CEP76: variants seen among roughly 807,000 people sequenced by gnomAD.
The protein encoded by CEP76 is centrosomal protein of 76 kDa.
CEP76 carries 55 observed loss-of-function variants against 83.3 expected under a neutral mutation model. That is an observed-to-expected ratio of 0.66 (90% confidence interval 0.53 to 0.83). The LOEUF is 0.83. CEP76 is among the 40% of genes least tolerant of loss of function. The pLI, the probability that CEP76 is intolerant of heterozygous loss-of-function variation, is 0.00. For missense variants in CEP76, 694 were observed against 799.5 expected, an observed-to-expected ratio of 0.87 and a Z score of 1.59; for synonymous variants, 270 against 274.5, an observed-to-expected ratio of 0.98 and a Z score of 0.16.
At chr18:12,699,985 CACT>C (rs2040096882) in intron 2 of CEP76, 80 bp from the exon 3 acceptor site, 4 of 878,302 alleles carry the variant, frequency 4.6e-6, no homozygotes, top group Non-Finnish European at 6.8e-6. Context: ...CATGACTAAG[CACT>C]GAACCTAAAG....
chr18:12,686,156 G>T, intron 8 of CEP76, 106 bp downstream of exon 8: 1 of 835,648 alleles, frequency 1.2e-6, no homozygotes, highest in Non-Finnish European at 1.8e-6. Flanking sequence ...GGGTACAGAG[G>T]GTTGACTATA....
rs1354204024 is a variant in CEP76, at chr18:12,672,748, A to G, written c.*617T>C. Reference sequence around the variant, plus strand: ...AGTGATAAATATTTCTAAATGATTCATGTACTTTCATATGAGGTTATTAAT... The same window carrying G: ...AGTGATAAATATTTCTAAATGATTCGTGTACTTTCATATGAGGTTATTAAT... On this transcript the variant is annotated 3_prime_UTR_variant, in exon 12 of 12. Transcript: ENST00000262127. 35 of 973,188 alleles carry G rather than the reference A, an allele frequency of 3.6e-5. No homozygotes were observed. Among genetic ancestry groups the G allele is most frequent in the South Asian group, 9.5e-5 (2 of 21,010 alleles). 60.3% of individuals were successfully genotyped at this position (973,188 alleles called of 1,614,324 possible).
chr18:12,678,381 A>G lies in CEP76; in HGVS notation c.1351T>C (p.Tyr451His). 2 of 1,614,168 alleles carry G rather than the reference A, an allele frequency of 1.2e-6. No individual in the cohort carries two copies. Among genetic ancestry groups the G allele is most frequent in the Non-Finnish European group, 1.7e-6 (2 of 1,180,022 alleles). Reference protein sequence around the residue: ...PPVAEQPKPLYPYRTIGCVFN... With the variant: ...PPVAEQPKPLHPYRTIGCVFN... ...ACACAACCAATTGTTCGATATGGGT[A>G]CAGTGGTTTGGGCTGTTCAGCAACT... The change falls in exon 10 of 12, where the codon TAC becomes CAC. Residue 451 changes from tyrosine to histidine, a missense_variant. Tyr to His is a moderately conservative substitution (Grantham distance 83). Transcript: ENST00000262127.
At position 12,678,122 on chromosome 18, in the gene CEP76, G is replaced by T; in HGVS notation, c.1610C>A (p.Ser537Ter). The change falls in exon 10 of 12, where the codon TCA becomes TAA. Residue 537 changes from serine (S) to a stop codon, truncating the protein, a stop_gained. Transcript: ENST00000262127. LOFTEE classifies it high-confidence loss of function. ...EIEMQLRLLV[S>*]EHRKDLGLTT... ...AGTGTGAATTACCTTCCTGTGTTCTGACACCAGGAGCCTCAGCTGCATTTC... is the reference window on the plus strand; with the variant it reads ...AGTGTGAATTACCTTCCTGTGTTCTTACACCAGGAGCCTCAGCTGCATTTC... 1 of 1,611,354 alleles carries T rather than the reference G, an allele frequency of 6.2e-7. No homozygotes were observed. The highest frequency in any genetic ancestry group is 1.1e-5 in the South Asian group (1 of 91,048).
At chr18:12,695,233 G>C (rs1218194954) in intron 6 of CEP76, 21 bp downstream of exon 6, 3 of 1,105,306 alleles carry the variant, frequency 2.7e-6, no homozygotes, top group Non-Finnish European at 2.6e-6. Flanking sequence ...CACAAAAAAA[G>C]AGAAACTCAT....
intron 7 of CEP76, 21 bp from the exon 8 acceptor site, chr18:12,686,471 A>T: frequency 1.3e-6 from 2 of 1,545,342 alleles, no homozygotes; most frequent in Non-Finnish European, 1.8e-6. Context: ...GGGGAAAAAC[A>T]TCTGTAATGA....
downstream of CEP76, among the ~76,000 whole-genome samples, chr18:12,670,058 G>A (rs1287092204): frequency 2.0e-5 from 3 of 151,760 alleles, no homozygotes; most frequent in Non-Finnish European, 2.9e-5. Flanking sequence ...GGCCAGGTGC[G>A]ATGGTCCATG....
chr18:12,666,751 A>C (rs113922676), intron 12 of CEP76, among the ~76,000 whole-genome samples: 6 of 151,694 alleles, frequency 4.0e-5, no homozygotes, highest in African/African-American at 2.4e-5. Context: ...ACCCGGCCAA[A>C]AAAAAAAAAA....
At chr18:12,670,912 G>T (rs1383859227), downstream of CEP76, 1 of 151,920 alleles carries the variant, frequency 6.6e-6, no homozygotes, top group Non-Finnish European at 1.5e-5. Context: ...GCCTCCCAGA[G>T]TACTGGAATT....
Position 12,676,077 on chromosome 18 carries a change from T to A in CEP76, c.1624-1324A>T, listed in dbSNP as rs559682009. 2.8e-4 allele frequency among the ~76,000 whole-genome samples: 43 copies of A among 152,270 alleles called. No individual in the cohort carries two copies. The South Asian group carries it at 4.6e-3, about 16-fold the overall frequency. ...TTCTCAAAATTCTAGATATTTTGAT[T>A]ATCATAATGGATCTTTGGTATTTCC... On this transcript the variant is annotated intron_variant, in intron 10 of 11. Coordinates refer to ENST00000262127, the MANE Select transcript of CEP76 (RefSeq NM_024899.4).
In CEP76 at chr18:12,701,069, T is replaced by C. The variant is rs773662461; in HGVS notation, c.108A>G (p.Ile36Met). Reference sequence around the variant, plus strand: ...GTTGATCAGGTGCCAATTCTTCCCGTATAGTCTCAGCAAGGATTTCTCTTA... The same window carrying C: ...GTTGATCAGGTGCCAATTCTTCCCGCATAGTCTCAGCAAGGATTTCTCTTA... ...GRIREILAET[I>M]REELAPDQQH... is the part of the protein sequence containing the mutation. Residue 36 changes from isoleucine to methionine, a missense_variant, in exon 2 of 12, where the codon ATA (isoleucine) becomes ATG (methionine). Ile to Met is a conservative substitution (Grantham distance 10). Coordinates refer to ENST00000262127, the MANE Select transcript of CEP76 (RefSeq NM_024899.4). 3.7e-6 allele frequency: 6 copies of C among 1,613,556 alleles called. No individual in the cohort carries two copies. The highest frequency in any genetic ancestry group is 5.1e-6 in the Non-Finnish European group (6 of 1,179,682).
At chr18:12,684,815 A>G (rs2039481144) in intron 8 of CEP76, 1 of 151,980 alleles carries the variant, frequency 6.6e-6, no homozygotes, top group South Asian at 2.1e-4. Context: ...TTATCATACT[A>G]TCAACATTTT....
intron 7 of CEP76, among the ~76,000 whole-genome samples, chr18:12,690,098 G>C (rs2039699333): frequency 6.6e-6 from 1 of 151,880 alleles, no homozygotes; most frequent in Non-Finnish European, 1.5e-5. Context: ...CAGGAAGCCA[G>C]TTACATTTTG....
rs1011053643 is a variant in CEP76 at position 12,686,141 on chromosome 18, C to A, written c.1122+121G>T. The A allele has an allele frequency of 7.1e-5, 46 of 644,536 alleles. 1 individual carries two copies. Among genetic ancestry groups the A allele is most frequent in the Non-Finnish European group, 1.0e-4 (43 of 409,958 alleles). The allele number at this position is 644,536 out of a possible 1,614,324, so 39.9% of individuals were successfully genotyped here. A position where few individuals can be genotyped will look rare whatever the true frequency, so the allele number is the denominator to read the frequency against. ...GTTGGTTGAATCTACAGATACAGAA[C>A]CTGTGGGTACAGAGGGTTGACTATA... On this transcript the variant is annotated intron_variant, in intron 8 of 11. Transcript: ENST00000262127.
At chr18:12,700,829 A>G (rs545159048) in intron 2 of CEP76, 129 bp downstream of exon 2, 2 of 623,346 alleles carry the variant, frequency 3.2e-6, no homozygotes, top group African/African-American at 3.7e-5. Context: ...AAACAAGGAC[A>G]CTAGTAAACA....
chr18:12,666,310 C>CA (rs1892656358), intron 12 of CEP76, among the ~76,000 whole-genome samples: 1 of 151,966 alleles, frequency 6.6e-6, no homozygotes, highest in Admixed American at 6.6e-5. Flanking sequence ...GCCTGGGTGA[C>CA]AGAGTGAGAC....
Position 12,702,641 on chromosome 18 carries a change from G to A in CEP76, c.-93C>T. On this transcript the variant is annotated 5_prime_UTR_variant, in exon 1 of 12. Transcript: ENST00000262127. Reference sequence around the variant, plus strand: ...GGCCAGGGAGCGTTAGGAGCGACTGGAGCACAAAGCGCCGCAGCCGTTCGC... The same window carrying A: ...GGCCAGGGAGCGTTAGGAGCGACTGAAGCACAAAGCGCCGCAGCCGTTCGC... 7.1e-7 allele frequency: 1 copy of A among 1,407,682 alleles called. No individual in the cohort carries two copies. The highest frequency in any genetic ancestry group is 2.3e-5 in the Admixed American group (1 of 44,234). The allele number at this position is 1,407,682 out of a possible 1,614,324, so 87.2% of individuals were successfully genotyped here. A position where few individuals can be genotyped will look rare whatever the true frequency, so the allele number is the denominator to read the frequency against.
intron 12 of CEP76, among the ~76,000 whole-genome samples, chr18:12,666,087 C>T (rs999899796): frequency 2.0e-5 from 3 of 148,452 alleles, no homozygotes; most frequent in Non-Finnish European, 4.4e-5. Flanking sequence ...GAGACTGAGA[C>T]AGGAGGAATG....
At chr18:12,682,053 A>T (rs913067051) in intron 8 of CEP76, among the ~76,000 whole-genome samples, 1 of 152,154 alleles carries the variant, frequency 6.6e-6, no homozygotes, top group African/African-American at 2.4e-5. Flanking sequence ...TGTGAAAAAA[A>T]TTACCAAGAT....
Sources: gnomAD v4.1 joint callset for allele counts (sites outside exome capture counted in the v4.1 genomes callset) on GRCh38, gnomAD v4.1.1 for gene constraint, MANE v1.5 for transcripts, NCBI Gene and HGNC (gene_info 2026-07-23, HGNC 2026-07-21) for gene names.